KCNAB1: variants seen among roughly 807,000 people sequenced by gnomAD.
The protein encoded by KCNAB1 is voltage-gated potassium channel subunit beta-1.
In KCNAB1, 35 loss-of-function variants were observed where a neutral mutation model predicts 64.6. The observed-to-expected ratio is 0.54, with a 90% CI of 0.41 to 0.72. The LOEUF is 0.72. Among genes scored for constraint, KCNAB1 ranks in the 30% least tolerant of loss-of-function variants. KCNAB1 has a pLI of 0.00. For synonymous variants in KCNAB1, 177 were observed against 183.8 expected (o/e 0.96, Z 0.30); for missense variants, 401 against 512.9 (o/e 0.78, Z 2.11).
intron 1 of KCNAB1, among the ~76,000 whole-genome samples, chr3:156,314,208 A>G (rs1168466645): frequency 1.3e-5 from 2 of 152,222 alleles, no homozygotes; most frequent in African/African-American, 4.8e-5. Flanking sequence ...CTTGAGGGGC[A>G]GAGTTGGAGG....
intron 1 of KCNAB1, among the ~76,000 whole-genome samples, chr3:156,289,602 C>T (rs1323547567): frequency 1.3e-5 from 2 of 152,218 alleles, no homozygotes; most frequent in African/African-American, 4.8e-5. Flanking sequence ...TTATTTGTTC[C>T]TTTCCCCAAC....
At chr3:156,273,243 G>A (rs138463698) in intron 1 of KCNAB1, among the ~76,000 whole-genome samples, 10 of 152,148 alleles carry the variant, frequency 6.6e-5, no homozygotes, top group African/African-American at 9.6e-5. Flanking sequence ...TAGGTTACAC[G>A]CCCTCCAAAT....
chr3:156,431,568 T>G (rs1404188031), intron 2 of KCNAB1, among the ~76,000 whole-genome samples: 2 of 152,280 alleles, frequency 1.3e-5, no homozygotes, highest in East Asian at 3.9e-4. Flanking sequence ...AGGATGACTG[T>G]GCAGACATTC....
At chr3:156,264,868 T>C (rs1718611656) in intron 1 of KCNAB1, among the ~76,000 whole-genome samples, 1 of 152,252 alleles carries the variant, frequency 6.6e-6, no homozygotes, top group African/African-American at 2.4e-5. Context: ...CAGAGTTATC[T>C]TTCCATTTCA....
chr3:156,190,089 A>C (rs1271065045), intron 1 of KCNAB1, among the ~76,000 whole-genome samples: 1 of 152,232 alleles, frequency 6.6e-6, no homozygotes, highest in Non-Finnish European at 1.5e-5. Flanking sequence ...TTGAGTCATT[A>C]ATCAAAAGCT....
intron 1 of KCNAB1, among the ~76,000 whole-genome samples, chr3:156,137,406 C>A (rs1322865701): frequency 6.6e-6 from 1 of 152,066 alleles, no homozygotes; most frequent in Non-Finnish European, 1.5e-5. Flanking sequence ...GTAACATGCA[C>A]CCCCTCCCCT....
At chr3:156,482,730 C>T (rs1357225251) in intron 8 of KCNAB1, among the ~76,000 whole-genome samples, 1 of 152,022 alleles carries the variant, frequency 6.6e-6, no homozygotes, top group Non-Finnish European at 1.5e-5. Context: ...AATATCTGCT[C>T]TATAGGGTTA....
chr3:156,481,426 A>T (rs1331797155), intron 8 of KCNAB1, among the ~76,000 whole-genome samples: 1 of 151,946 alleles, frequency 6.6e-6, no homozygotes, highest in East Asian at 1.9e-4. Flanking sequence ...TTGCAAAAAA[A>T]AAAAAAAAAA....
At chr3:156,468,204 G>A (rs139551962) in intron 7 of KCNAB1, among the ~76,000 whole-genome samples, 216 of 152,074 alleles carry the variant, frequency 1.4e-3, no homozygotes, top group African/African-American at 4.9e-3. Flanking sequence ...ACAAGACTAC[G>A]TTGAAATATC....
chr3:156,302,327 G>A (rs1721207389), intron 1 of KCNAB1, among the ~76,000 whole-genome samples: 1 of 152,108 alleles, frequency 6.6e-6, no homozygotes, highest in Non-Finnish European at 1.5e-5. Flanking sequence ...GGTAATATGT[G>A]CGCAGTTTCC....
chr3:156,140,520 A>C (rs1040404770), intron 1 of KCNAB1, among the ~76,000 whole-genome samples: 1 of 152,098 alleles, frequency 6.6e-6, no homozygotes, highest in East Asian at 1.9e-4. Context: ...TAAGGGCATT[A>C]ATCCTATTCT....
chr3:156,349,952 A>G (rs1199179275), intron 1 of KCNAB1, among the ~76,000 whole-genome samples: 2 of 151,958 alleles, frequency 1.3e-5, no homozygotes, highest in Non-Finnish European at 2.9e-5. Flanking sequence ...TGTTTAGCCT[A>G]TTGGTGTTCT....
At chr3:156,513,356 A>AAT (rs1717346074) in intron 8 of KCNAB1, among the ~76,000 whole-genome samples, 1 of 150,514 alleles carries the variant, frequency 6.6e-6, no homozygotes, top group African/African-American at 2.5e-5. Context: ...ATAATAATAA[A>AAT]AAAATACATC....
chr3:156,197,341 T>A (rs1714017447), intron 1 of KCNAB1, among the ~76,000 whole-genome samples: 1 of 151,904 alleles, frequency 6.6e-6, no homozygotes, highest in Non-Finnish European at 1.5e-5. Flanking sequence ...CAGAGAGGAG[T>A]TCCTCTTTTT....
chr3:156,187,956 T>C (rs1289506838), intron 1 of KCNAB1, among the ~76,000 whole-genome samples: 1 of 152,220 alleles, frequency 6.6e-6, no homozygotes, highest in African/African-American at 2.4e-5. Flanking sequence ...TGCTGAACTA[T>C]GTGGCATTTT....
intron 1 of KCNAB1, among the ~76,000 whole-genome samples, chr3:156,232,015 G>A (rs2108436135): frequency 6.6e-6 from 1 of 152,192 alleles, no homozygotes; most frequent in Non-Finnish European, 1.5e-5. Flanking sequence ...TACAGAGTTT[G>A]ACTCTTCGTC....
intron 1 of KCNAB1, among the ~76,000 whole-genome samples, chr3:156,323,709 G>GCAAC (rs1722809856): frequency 6.6e-6 from 1 of 152,226 alleles, no homozygotes; most frequent in African/African-American, 2.4e-5. Context: ...ATGGCATGTG[G>GCAAC]CAACCCCATA....
chr3:156,310,781 G>A (rs1015552814), intron 1 of KCNAB1, among the ~76,000 whole-genome samples: 6 of 152,150 alleles, frequency 3.9e-5, no homozygotes, highest in Non-Finnish European at 7.4e-5. Flanking sequence ...TCCAGCCTGG[G>A]TGACAGAGCG....
intron 1 of KCNAB1, among the ~76,000 whole-genome samples, chr3:156,338,197 G>A (rs903825678): frequency 1.8e-4 from 27 of 151,272 alleles, no homozygotes; most frequent in Non-Finnish European, 3.5e-4. Flanking sequence ...GTGTTCAAAG[G>A]TTTTGCATAT....
Sources: allele counts gnomAD v4.1 joint callset (sites outside exome capture counted in the v4.1 genomes callset), GRCh38; gene constraint gnomAD v4.1.1; transcripts MANE v1.5; gene names NCBI Gene and HGNC (gene_info 2026-07-23, HGNC 2026-07-21).